Variants in FCRL5 observed in about 807,000 individuals in gnomAD.
FCRL5 encodes Fc receptor-like protein 5.
In FCRL5, 79 loss-of-function variants were observed where a neutral mutation model predicts 92.1. The observed-to-expected ratio is 0.86, with a 90% confidence interval of 0.72 to 1.03. The LOEUF (loss-of-function observed/expected upper bound fraction) is 1.03. FCRL5 is among the 50% of genes least tolerant of loss of function. The pLI is 0.00. For missense variants in FCRL5, 1,160 were observed against 1,181.1 expected (o/e 0.98, Z 0.26); for synonymous variants, 466 against 469.3 (o/e 0.99, Z 0.09).
chr1:157,541,608 CAT>C (rs1651263655), intron 6 of FCRL5, among the ~76,000 whole-genome samples: 1 of 152,264 alleles, frequency 6.6e-6, no homozygotes, highest in Admixed American at 6.5e-5. Context: ...TCAACTCACA[CAT>C]GAGTTCTTCC....
At chr1:157,541,503 G>A (rs185977071) in intron 6 of FCRL5, among the ~76,000 whole-genome samples, 11 of 152,274 alleles carry the variant, frequency 7.2e-5, no homozygotes, top group Middle Eastern at 3.4e-3. Context: ...TGCTGCAGTC[G>A]TCAAGAACCG....
chr1:157,526,268 T>C (rs548381445), intron 9 of FCRL5, among the ~76,000 whole-genome samples: 42 of 152,280 alleles, frequency 2.8e-4, no homozygotes, highest in African/African-American at 7.0e-4. Context: ...AAAATGGCCA[T>C]TGGATTTAAA....
In FCRL5 at chr1:157,534,805, T is replaced by C; in HGVS notation, c.1490A>G (p.Gln497Arg). 6.2e-7 allele frequency: 1 copy of C among 1,610,648 alleles called. No homozygotes were observed. Among genetic ancestry groups the C allele is most frequent in the African/African-American group, 1.3e-5 (1 of 74,976 alleles). The change falls in exon 8 of 17, where the codon CAG (glutamine) becomes CGG (arginine). Residue 497 changes from glutamine to arginine, a missense_variant. By Grantham distance (43) the Gln-to-Arg change is conservative (BLOSUM62 1). Coordinates refer to ENST00000361835, the MANE Select transcript of FCRL5 (RefSeq NM_031281.3). ...GATVTLHCEV[Q>R]RGSPQILYQF... ...GTATAGGATTTGTGGGGAACCTCTCTGGACTTCACAGTGAAGTGTCACAGT... is the reference window on the plus strand; with the variant it reads ...GTATAGGATTTGTGGGGAACCTCTCCGGACTTCACAGTGAAGTGTCACAGT...
intron 8 of FCRL5, chr1:157,528,760 G>A (rs1650555180): frequency 6.6e-6 from 1 of 152,222 alleles, no homozygotes; most frequent in African/African-American, 2.4e-5. Context: ...CAAGCCACAT[G>A]TAGAAGAATG....
At chr1:157,528,050 T>A in intron 8 of FCRL5, 155 bp from the exon 9 acceptor site, 1 of 839,144 alleles carries the variant, frequency 1.2e-6, no homozygotes, top group Non-Finnish European at 1.7e-6. Flanking sequence ...GATGACATGA[T>A]TGTATACCTA....
At chr1:157,547,370 A>T (rs935200338) in intron 2 of FCRL5, 173 bp from the exon 3 acceptor site, 1 of 859,274 alleles carries the variant, frequency 1.2e-6, no homozygotes, top group Non-Finnish European at 2.0e-6. Flanking sequence ...ACCTCACCCA[A>T]GGGAGAAATT....
In FCRL5 at chr1:157,549,597, G is replaced by A. The variant is rs1451910597; in HGVS notation, c.32-17C>T. On this transcript the variant is annotated splice_polypyrimidine_tract_variant and intron_variant, in intron 1 of 16. Transcript: ENST00000361835. ...TGACAGGAGCTGCAAAAAAATAAGA[G>A]CCAGAGATGAGCACAGAACCATGAT... 6.2e-7 allele frequency: 1 copy of A among 1,610,970 alleles called. No individual in the cohort carries two copies. The highest frequency in any genetic ancestry group is 8.5e-7 in the Non-Finnish European group (1 of 1,178,720).
rs1304824948 is a variant in FCRL5, at chr1:157,515,734, C to T, written c.2875G>A (p.Val959Met). ...GSPIIYSEVK[V>M]ASTPVSGSLF... ...GATCCGGAAACCGGGGTTGACGCCA[C>T]CTTAACTTCAGAGTAGATGATAGGG... Residue 959 changes from valine to methionine, a missense_variant, in exon 17 of 17, where the codon GTG becomes ATG. Coordinates refer to ENST00000361835, the MANE Select transcript of FCRL5 (RefSeq NM_031281.3). 2 of 1,614,118 alleles carry T rather than the reference C, an allele frequency of 1.2e-6. No homozygotes were observed. Among genetic ancestry groups the T allele is most frequent in the Non-Finnish European group, 1.7e-6 (2 of 1,179,994 alleles).
At chr1:157,521,840 A>G (rs1650213758) in intron 10 of FCRL5, 1 of 152,364 alleles carries the variant, frequency 6.6e-6, no homozygotes, top group Non-Finnish European at 1.5e-5. Flanking sequence ...AGGCAGGAGG[A>G]TTACTTGAGC....
intron 6 of FCRL5, among the ~76,000 whole-genome samples, chr1:157,541,488 G>A (rs1651258504): frequency 2.0e-5 from 3 of 152,210 alleles, no homozygotes; most frequent in Admixed American, 2.0e-4. Context: ...CCACTGTTCA[G>A]TCTGTGCTGC....
chr1:157,543,700 G>A (rs371227709), intron 5 of FCRL5, among the ~76,000 whole-genome samples: 72 of 152,300 alleles, frequency 4.7e-4, no homozygotes, highest in Middle Eastern at 3.4e-3. Context: ...CCTCATCACT[G>A]TAACTACCAT....
At chr1:157,549,648 C>T (rs763585442) in intron 1 of FCRL5, 68 bp from the exon 2 acceptor site, 43 of 1,451,532 alleles carry the variant, frequency 3.0e-5, no homozygotes, top group Non-Finnish European at 3.8e-5. Context: ...AGATAATTCC[C>T]TTTTTTACCC....
At chr1:157,529,130 C>A (rs1259670932) in intron 8 of FCRL5, among the ~76,000 whole-genome samples, 6 of 152,188 alleles carry the variant, frequency 3.9e-5, no homozygotes, top group African/African-American at 1.4e-4. Flanking sequence ...ACAATCACAT[C>A]AAAAAGTGGG....
chr1:157,526,850 A>T (rs151316214), intron 9 of FCRL5, among the ~76,000 whole-genome samples: 1 of 152,268 alleles, frequency 6.6e-6, no homozygotes, highest in South Asian at 2.1e-4. Flanking sequence ...GTTGTCAGAT[A>T]ATAAGGGCTT....
chr1:157,534,344 C>A, intron 8 of FCRL5: 1 of 710,500 alleles, frequency 1.4e-6, no homozygotes, highest in Non-Finnish European at 2.6e-6. Context: ...GAAAAATTGG[C>A]GTACTGTTGG....
At position 157,515,872 on chromosome 1, in the gene FCRL5, C is replaced by T. The variant is rs1571069052; in HGVS notation, c.2814G>A (p.Val938=). ...RIIQEKKKHA[V]ASDPRHLRNK... ...TCCTGAGATGCCTGGGGTCAGAGGC[C>T]ACTGTGGAAAGAGGAAAGTGTTCAG... Residue 938 remains valine (V), a splice_region_variant and synonymous_variant, in exon 16 of 17, where the codon GTG becomes GTA. Coordinates refer to ENST00000361835, the MANE Select transcript of FCRL5 (RefSeq NM_031281.3). 3 of 1,613,788 alleles carry T rather than the reference C, an allele frequency of 1.9e-6. No individual in the cohort carries two copies. The highest frequency in any genetic ancestry group is 2.5e-6 in the Non-Finnish European group (3 of 1,179,992).
chr1:157,529,881 C>T (rs139894311), intron 8 of FCRL5, among the ~76,000 whole-genome samples: 3 of 152,240 alleles, frequency 2.0e-5, no homozygotes, highest in East Asian at 1.9e-4. Flanking sequence ...GCTCTGGCAA[C>T]GAGTGCACCA....
At position 157,534,786 on chromosome 1, in the gene FCRL5, G is replaced by A; in HGVS notation, c.1509C>T (p.Ile503=). 1.2e-6 allele frequency: 2 copies of A among 1,613,816 alleles called. No individual in the cohort carries two copies. The highest frequency in any genetic ancestry group is 1.7e-6 in the Non-Finnish European group (2 of 1,179,850). ...HCEVQRGSPQ[I]LYQFYHEDMP... ...TGTCCTCATGATAAAACTGGTATAG[G>A]ATTTGTGGGGAACCTCTCTGGACTT... is the stretch of plus-strand genomic sequence containing the variant. The change falls in exon 8 of 17, where the codon ATC becomes ATT. Residue 503 remains isoleucine (I), a synonymous_variant. Transcript: ENST00000361835.
intron 1 of FCRL5, 68 bp from the exon 2 acceptor site, chr1:157,549,648 CT>C: frequency 6.9e-7 from 1 of 1,451,638 alleles, no homozygotes; most frequent in Non-Finnish European, 9.4e-7. Context: ...AGATAATTCC[CT>C]TTTTTACCCA....
Sources: allele counts gnomAD v4.1 joint callset (sites outside exome capture counted in the v4.1 genomes callset), GRCh38; gene constraint gnomAD v4.1.1; transcripts MANE v1.5; gene names NCBI Gene and HGNC (gene_info 2026-07-23, HGNC 2026-07-21).